The following RASGRF1 variants were observed in gnomAD, a reference collection of about 807,000 sequenced individuals.
RASGRF1 encodes the protein ras-specific guanine nucleotide-releasing factor 1.
In RASGRF1, 40 loss-of-function variants were observed where a neutral mutation model predicts 138.7. That is an observed-to-expected ratio of 0.29 (90% confidence interval 0.22 to 0.38). RASGRF1 has a LOEUF of 0.38. RASGRF1 is among the 10% of genes least tolerant of loss of function. The probability of loss-of-function intolerance (pLI) is 1.00; values close to 1 mark genes in which losing one functional copy is unlikely to be tolerated. For missense variants in RASGRF1, 1,108 were observed against 1,650.4 expected, an observed-to-expected ratio of 0.67 and a Z score of 5.69; for synonymous variants, 614 against 663.2, an observed-to-expected ratio of 0.93 and a Z score of 1.14.
chr15:79,088,600 C>A (rs1377558094), intron 1 of RASGRF1, among the ~76,000 whole-genome samples: 2 of 152,110 alleles, frequency 1.3e-5, no homozygotes, highest in African/African-American at 4.8e-5. Context: ...TTCCTGCCTA[C>A]CCAGGAGCTC....
chr15:79,087,199 GGGGTGA>G lies in RASGRF1; in HGVS notation c.276+3018_276+3023del, dbSNP rs1242240371. Among the ~76,000 whole-genome samples the G allele has an allele frequency of 2.6e-5, 4 of 152,166 alleles. No homozygotes were observed. In the East Asian group the frequency reaches 7.7e-4, roughly 29 times the overall value. Reference sequence around the variant, plus strand: ...TATCCCGCTATTAGAGCATCTTCACGGGGTGAGGAGCTCACCCTTATCTATGTCTGT... The same window carrying G: ...TATCCCGCTATTAGAGCATCTTCACGGGAGCTCACCCTTATCTATGTCTGT... On this transcript the variant is annotated intron_variant, in intron 1 of 26. Coordinates refer to ENST00000558480, the MANE Select transcript of RASGRF1 (RefSeq NM_001145648.3).
intron 3 of RASGRF1, among the ~76,000 whole-genome samples, chr15:79,054,442 G>A (rs964225064): frequency 1.5e-4 from 23 of 152,178 alleles, no homozygotes; most frequent in Non-Finnish European, 3.2e-4. Context: ...CCTCTGAGTC[G>A]TTGTTGGGAC....
In RASGRF1 at chr15:78,999,898, GA is replaced by G; in HGVS notation, c.2590del (p.Ser864ProfsTer8). On this transcript the variant is annotated frameshift_variant, in exon 17 of 27. Transcript: ENST00000558480. LOFTEE classifies it high-confidence loss of function. Reference protein sequence around the residue: ...NKNSSEFPLFSYNNGVVMTSC... With the variant: ...NKNSSEFPLFXYNNGVVMTSC... ...GGTCATGACGACTCCATTGTTATAG[GA>G]AAAGAGTGGGAACTCTGCAGAGAGG... is the stretch of plus-strand genomic sequence containing the variant. The G allele has an allele frequency of 6.2e-7, 1 of 1,614,110 alleles. No homozygotes were observed. The highest frequency in any genetic ancestry group is 8.5e-7 in the Non-Finnish European group (1 of 1,179,976).
intron 15 of RASGRF1, among the ~76,000 whole-genome samples, chr15:79,003,351 C>T (rs1465204050): frequency 6.6e-6 from 1 of 152,242 alleles, no homozygotes; most frequent in Non-Finnish European, 1.5e-5. Context: ...TATCAGGTGT[C>T]CACATTTCAG....
At chr15:78,969,583 T>C (rs1596309075) in intron 26 of RASGRF1, among the ~76,000 whole-genome samples, 1 of 151,948 alleles carries the variant, frequency 6.6e-6, no homozygotes. Flanking sequence ...GCAGGAGAAT[T>C]GCTTGAACCC....
chr15:78,968,766 C>A (rs1411542781), intron 26 of RASGRF1, among the ~76,000 whole-genome samples: 1 of 152,174 alleles, frequency 6.6e-6, no homozygotes, highest in Non-Finnish European at 1.5e-5. Context: ...AGTGGCCCTG[C>A]TGGCATCACC....
At chr15:78,978,763 A>C in intron 24 of RASGRF1, 1 of 1,118,840 alleles carries the variant, frequency 8.9e-7, no homozygotes. Context: ...GGGGTGCGGG[A>C]AGCATTTGCC....
At chr15:78,965,728 G>T (rs1042958498) in intron 26 of RASGRF1, among the ~76,000 whole-genome samples, 4 of 152,284 alleles carry the variant, frequency 2.6e-5, no homozygotes, top group African/African-American at 9.6e-5. Context: ...GCAGGCACCT[G>T]TAATCACAGC....
At chr15:78,994,851 G>C (rs2056355453) in intron 20 of RASGRF1, among the ~76,000 whole-genome samples, 1 of 152,054 alleles carries the variant, frequency 6.6e-6, no homozygotes, top group South Asian at 2.1e-4. Flanking sequence ...CCAGACCTGG[G>C]TGTGAACACC....
In RASGRF1 at chr15:79,063,219, G is replaced by A. The variant is rs115386854; in HGVS notation, c.383+1201C>T. ...GGGAATACTTATGTTGCATCCATCT[G>A]TCTCCCAGCACTGTGCACTGGGCCT... is the stretch of plus-strand genomic sequence containing the variant. On this transcript the variant is annotated intron_variant, in intron 2 of 26. Coordinates refer to ENST00000558480, the MANE Select transcript of RASGRF1 (RefSeq NM_001145648.3). Among the ~76,000 whole-genome samples the A allele has an allele frequency of 1.9e-3, 288 of 152,286 alleles. 1 individual carries two copies. The highest frequency in any genetic ancestry group is 6.7e-3 in the African/African-American group (278 of 41,540).
Position 79,046,909 on chromosome 15 carries a change from G to T in RASGRF1, c.715C>A (p.Arg239Ser). 6.2e-7 allele frequency: 1 copy of T among 1,614,150 alleles called. No homozygotes were observed. Among genetic ancestry groups the T allele is most frequent in the Non-Finnish European group, 8.5e-7 (1 of 1,180,036 alleles). The stretch of plus-strand genomic sequence containing the variant: ...CTGAACACCACCTGGTTCCTCTTGC[G>T]CATGCTGTCAGCATGGGGTGACCGG... ...YIRSPHADSMRKRNQVVFSML... is the reference protein window; with the variant it reads ...YIRSPHADSMSKRNQVVFSML... Residue 239 changes from arginine (R) to serine (S), a missense_variant, in exon 5 of 27, where the codon CGC (arginine) becomes AGC (serine). Coordinates refer to ENST00000558480, the MANE Select transcript of RASGRF1 (RefSeq NM_001145648.3). The surrounding 1 kb of genome is among the most constrained non-coding windows in gnomAD (Gnocchi z 5.3).
Position 78,992,126 on chromosome 15 carries a change from C to A in RASGRF1, c.3028-332G>T, listed in dbSNP as rs559153618. Among the ~76,000 whole-genome samples the A allele has an allele frequency of 2.6e-5, 4 of 152,356 alleles. No individual in the cohort carries two copies. The East Asian group carries it at 7.7e-4, about 29-fold the overall frequency. ...TGAGCCACTGGCCCAAGTTGCTAAG[C>A]TGGAAGTGGGCTGACTAGGACTGGA... On this transcript the variant is annotated intron_variant, in intron 20 of 26. Transcript: ENST00000558480.
chr15:79,067,881 G>T (rs1444780846), intron 1 of RASGRF1, among the ~76,000 whole-genome samples: 1 of 152,142 alleles, frequency 6.6e-6, no homozygotes, highest in Non-Finnish European at 1.5e-5. Context: ...AAAGACCAAA[G>T]CCCACGTCTA....
At chr15:78,966,906 C>T (rs1189767714) in intron 26 of RASGRF1, among the ~76,000 whole-genome samples, 1 of 152,040 alleles carries the variant, frequency 6.6e-6, no homozygotes, top group African/African-American at 2.4e-5. Context: ...ATATCTCAGT[C>T]AATTTTTAAA....
chr15:79,018,926 G>T (rs2056919227), intron 11 of RASGRF1, among the ~76,000 whole-genome samples: 1 of 152,202 alleles, frequency 6.6e-6, no homozygotes, highest in Non-Finnish European at 1.5e-5. Context: ...AAAGAAGGCT[G>T]CACTGGTAGG....
chr15:79,018,171 C>T (rs543368517), intron 11 of RASGRF1, among the ~76,000 whole-genome samples: 1 of 152,374 alleles, frequency 6.6e-6, no homozygotes, highest in Non-Finnish European at 1.5e-5. Context: ...AGTCTGCCCT[C>T]TGCCCTCATT....
In RASGRF1 at chr15:78,973,410, G is replaced by A. The variant is rs747162091; in HGVS notation, c.3505C>T (p.Pro1169Ser). The A allele has an allele frequency of 1.2e-6, 2 of 1,608,272 alleles. No individual in the cohort carries two copies. The highest frequency in any genetic ancestry group is 1.7e-6 in the Non-Finnish European group (2 of 1,176,884). ...TACATCCCCAGGTAAGGGACACAGG[G>A]TGGGTCACAACTTGGAAGCAAACGG... is the stretch of plus-strand genomic sequence containing the variant. ...LREALKNCDP[P>S]CVPYLGMYLT... The change falls in exon 25 of 27, where the codon CCC (proline) becomes TCC (serine). Residue 1169 changes from proline to serine, a missense_variant. Transcript: ENST00000558480. The surrounding 1 kb of genome is among the most constrained non-coding windows in gnomAD (Gnocchi z 4.9).
In RASGRF1 at chr15:79,044,699, C is replaced by G. The variant is rs929004473; in HGVS notation, c.878+2047G>C. Among the ~76,000 whole-genome samples, 6 of 152,312 alleles carry G rather than the reference C, an allele frequency of 3.9e-5. No individual in the cohort carries two copies. The South Asian group carries it at 1.0e-3, about 26-fold the overall frequency. On this transcript the variant is annotated intron_variant, in intron 5 of 26. Transcript: ENST00000558480. ...TTCCTGGGTCTATCTTGAGGTCTAT[C>G]GTGTTTCTTTTTGAGGTCATTGTTG... is the stretch of plus-strand genomic sequence containing the variant.
At chr15:78,984,679 G>A in intron 23 of RASGRF1, 1 of 347,500 alleles carries the variant, frequency 2.9e-6, no homozygotes, top group South Asian at 2.8e-5. Flanking sequence ...CACTGTCTCA[G>A]CTGCCCTGCA....
Sources: gnomAD v4.1 joint callset for allele counts (sites outside exome capture counted in the v4.1 genomes callset) on GRCh38, gnomAD v4.1.1 for gene constraint, Gnocchi (gnomAD v3.1) non-coding constraint, MANE v1.5 for transcripts, NCBI Gene and HGNC (gene_info 2026-07-23, HGNC 2026-07-21) for gene names.